The following TENT2 variants were observed in gnomAD, a reference collection of about 807,000 sequenced individuals.
TENT2 encodes the protein poly(A) RNA polymerase GLD2.
TENT2 carries 44 observed loss-of-function variants against 72.2 expected under a neutral mutation model. The ratio of observed to expected loss-of-function variants is 0.61; its 90% CI spans 0.48 to 0.78. The LOEUF (loss-of-function observed/expected upper bound fraction) is 0.78, where lower values mean the gene tolerates loss of function less well. TENT2 is among the 30% of genes least tolerant of loss of function. The pLI, the probability that TENT2 is intolerant of heterozygous loss-of-function variation, is 0.00. For synonymous variants in TENT2, 212 were observed against 192.5 expected, an observed-to-expected ratio of 1.10 and a Z score of -0.84; for missense variants, 541 against 569.6, an observed-to-expected ratio of 0.95 and a Z score of 0.51.
chr5:79,672,669 A>G (rs1004414191), intron 12 of TENT2, among the ~76,000 whole-genome samples: 1 of 152,228 alleles, frequency 6.6e-6, no homozygotes, highest in Non-Finnish European at 1.5e-5. Context: ...ATAGTACTCT[A>G]TTGTGGATAA....
At chr5:79,617,296 A>T (rs1000599832) in intron 1 of TENT2, among the ~76,000 whole-genome samples, 1 of 151,602 alleles carries the variant, frequency 6.6e-6, no homozygotes, top group African/African-American at 2.4e-5. Flanking sequence ...ATATATAATA[A>T]ATTTTATATA....
chr5:79,654,315 C>T (rs1031075033), intron 10 of TENT2, among the ~76,000 whole-genome samples: 1 of 152,008 alleles, frequency 6.6e-6, no homozygotes, highest in Non-Finnish European at 1.5e-5. Flanking sequence ...GCTGTAATCC[C>T]AGCTACTTGG....
rs750394632 is a variant in TENT2 at position 79,648,689 on chromosome 5, A to G, written c.894A>G (p.Ala298=). 1.3e-6 allele frequency: 2 copies of G among 1,583,758 alleles called. No homozygotes were observed. Among genetic ancestry groups the G allele is most frequent in the East Asian group, 4.5e-5 (2 of 44,440 alleles). Residue 298 remains alanine (A), a synonymous_variant, in exon 9 of 15, where the codon GCA becomes GCG. Transcript: ENST00000453514. ...IRNTFLLRTY[A]YLENRVRPLV... Reference sequence around the variant, plus strand: ...ACACATTCCTTCTCAGAACTTATGCATACCGTAAGTTTGTTGTTTGTTTAT... The same window carrying G: ...ACACATTCCTTCTCAGAACTTATGCGTACCGTAAGTTTGTTGTTTGTTTAT...
In TENT2 at chr5:79,669,520, A is replaced by G. The variant is rs151325990; in HGVS notation, c.1208+492A>G. Among the ~76,000 whole-genome samples, 499 of 152,232 alleles carry G rather than the reference A, an allele frequency of 3.3e-3. 12 individuals carry two copies. The highest frequency in any genetic ancestry group is 0.025 in the East Asian group (127 of 5,182). On this transcript the variant is annotated intron_variant, in intron 12 of 14. Coordinates refer to ENST00000453514, the MANE Select transcript of TENT2 (RefSeq NM_001114394.3). ...TTTTTTGAAGATGATATGTAAACAT[A>G]AAACAAAGAATGTATAATCAGGCTG...
intron 4 of TENT2, among the ~76,000 whole-genome samples, chr5:79,628,142 T>A (rs1362857824): frequency 6.6e-6 from 1 of 152,204 alleles, no homozygotes; most frequent in Non-Finnish European, 1.5e-5. Context: ...TACAAGGTAA[T>A]CTGTGACAGT....
At chr5:79,659,078 A>G (rs1358982008) in intron 11 of TENT2, among the ~76,000 whole-genome samples, 1 of 152,230 alleles carries the variant, frequency 6.6e-6, no homozygotes, top group African/African-American at 2.4e-5. Context: ...TAAATATTTA[A>G]TTAATTTACC....
intron 1 of TENT2, among the ~76,000 whole-genome samples, chr5:79,618,797 A>G (rs1346922415): frequency 6.6e-6 from 1 of 152,096 alleles, no homozygotes; most frequent in Admixed American, 6.5e-5. Context: ...CATTTTCTTG[A>G]TGGACTCCCA....
chr5:79,631,121 CTG>C (rs1665508142), intron 4 of TENT2, among the ~76,000 whole-genome samples: 1 of 152,272 alleles, frequency 6.6e-6, no homozygotes, highest in Admixed American at 6.5e-5. Flanking sequence ...AGGGGCTGTC[CTG>C]TGTACCCTAC....
At chr5:79,633,226 A>G (rs1776993706) in intron 4 of TENT2, among the ~76,000 whole-genome samples, 1 of 152,164 alleles carries the variant, frequency 6.6e-6, no homozygotes, top group Non-Finnish European at 1.5e-5. Context: ...TACACGTAAC[A>G]AAGATTAAGG....
intron 8 of TENT2, among the ~76,000 whole-genome samples, chr5:79,646,696 T>C (rs1013495187): frequency 6.6e-6 from 1 of 152,076 alleles, no homozygotes; most frequent in Non-Finnish European, 1.5e-5. Context: ...TATATGGTTG[T>C]AGTTATAGTT....
intron 4 of TENT2, among the ~76,000 whole-genome samples, chr5:79,639,001 CAGTCCTAG>C (rs1561498179): frequency 6.6e-6 from 1 of 152,110 alleles, no homozygotes; most frequent in Non-Finnish European, 1.5e-5. Flanking sequence ...GACTATAAGG[CAGTCCTAG>C]AGAGGGAGAG....
intron 12 of TENT2, among the ~76,000 whole-genome samples, chr5:79,675,007 C>T (rs984969974): frequency 1.1e-4 from 16 of 152,042 alleles, no homozygotes; most frequent in Admixed American, 5.9e-4. Context: ...GGATAAAAAG[C>T]ATAGCATTAT....
chr5:79,617,840 CA>C (rs1462042897), intron 1 of TENT2, among the ~76,000 whole-genome samples: 1 of 152,152 alleles, frequency 6.6e-6, no homozygotes, highest in Admixed American at 6.5e-5. Flanking sequence ...TTGTTTATAA[CA>C]TTTTCCCTCT....
chr5:79,657,112 C>T, intron 11 of TENT2, 111 bp downstream of exon 11: 1 of 656,582 alleles, frequency 1.5e-6, no homozygotes, highest in Middle Eastern at 3.9e-4. Context: ...TACATGATAA[C>T]ATTTTCTATA....
At chr5:79,668,535 A>G (rs1400970067) in intron 11 of TENT2, among the ~76,000 whole-genome samples, 2 of 152,162 alleles carry the variant, frequency 1.3e-5, no homozygotes, top group Non-Finnish European at 2.9e-5. Flanking sequence ...CCTTGTAGGA[A>G]TAATTAAGAA....
chr5:79,614,867 A>G (rs1386301410), intron 1 of TENT2, among the ~76,000 whole-genome samples: 5 of 152,188 alleles, frequency 3.3e-5, no homozygotes, highest in Non-Finnish European at 2.9e-5. Context: ...ATCAATGTGA[A>G]ATGTATTAGA....
chr5:79,659,016 G>T (rs72768824), intron 11 of TENT2, among the ~76,000 whole-genome samples: 9,755 of 152,118 alleles, frequency 0.064, 429 homozygotes, highest in South Asian at 0.12. Context: ...AGCAAGACCT[G>T]CGAGATTAGG....
intron 1 of TENT2, among the ~76,000 whole-genome samples, chr5:79,614,660 C>T (rs969782898): frequency 1.6e-4 from 24 of 152,060 alleles, no homozygotes; most frequent in Admixed American, 3.3e-4. Context: ...TGTGGAGTAA[C>T]GTTTTATATA....
rs370926509 is a variant in TENT2, at chr5:79,642,826, T to A, written c.673-6T>A. 59 of 1,603,214 alleles carry A rather than the reference T, an allele frequency of 3.7e-5. No individual in the cohort carries two copies. Among genetic ancestry groups the A allele is most frequent in the Non-Finnish European group, 5.0e-5 (59 of 1,174,198 alleles). ...ATGAAAAAACACTTTATTTTTAACT[T>A]TTCAGTGTTTTTTTCAGGTAAATCA... On this transcript the variant is annotated splice_region_variant and splice_polypyrimidine_tract_variant and intron_variant, in intron 6 of 14. Transcript: ENST00000453514.
Sources: gnomAD v4.1 joint callset for allele counts (sites outside exome capture counted in the v4.1 genomes callset) on GRCh38, gnomAD v4.1.1 for gene constraint, MANE v1.5 for transcripts, NCBI Gene and HGNC (gene_info 2026-07-23, HGNC 2026-07-21) for gene names.